Variants in FHIT observed in about 807,000 individuals in gnomAD.
FHIT encodes the protein fragile histidine triad diadenosine triphosphatase.
FHIT carries 19 observed loss-of-function variants against 17.9 expected under a neutral mutation model. The ratio of observed to expected loss-of-function variants is 1.06; its 90% CI spans 0.74 to 1.56. The LOEUF is 1.56. Among genes scored for constraint, FHIT ranks in the 40% most tolerant of loss-of-function variants. The pLI, the probability that FHIT is intolerant of heterozygous loss-of-function variation, is 0.00. For synonymous variants in FHIT, 81 were observed against 69.7 expected, an observed-to-expected ratio of 1.16 and a Z score of -0.81; for missense variants, 248 against 189.2, an observed-to-expected ratio of 1.31 and a Z score of -1.82.
chr3:60,100,607 C>G (rs1704152220), intron 5 of FHIT, among the ~76,000 whole-genome samples: 1 of 152,122 alleles, frequency 6.6e-6, no homozygotes, highest in African/African-American at 2.4e-5. Context: ...TTCCAGAAAC[C>G]CCTCTCTGGT....
intron 3 of FHIT, among the ~76,000 whole-genome samples, chr3:60,831,267 T>C (rs2106816922): frequency 6.6e-6 from 1 of 152,314 alleles, no homozygotes; most frequent in Admixed American, 6.5e-5. Flanking sequence ...AGGAGGTAAG[T>C]TATTCCATAA....
chr3:60,285,298 G>A (rs574844075), intron 5 of FHIT, among the ~76,000 whole-genome samples: 2 of 152,158 alleles, frequency 1.3e-5, no homozygotes, highest in East Asian at 1.9e-4. Context: ...GTTTTGAGAG[G>A]TGAATTAACT....
intron 2 of FHIT, among the ~76,000 whole-genome samples, chr3:61,066,809 G>A (rs13087596): frequency 0.44 from 66,841 of 151,736 alleles, 18,999 homozygotes; most frequent in Non-Finnish European, 0.64. Context: ...TTTGGATGGT[G>A]ATCTCAGAAA....
At chr3:60,423,944 C>G (rs1253412025) in intron 5 of FHIT, among the ~76,000 whole-genome samples, 1 of 152,124 alleles carries the variant, frequency 6.6e-6, no homozygotes, top group Admixed American at 6.6e-5. Flanking sequence ...TACTAAAACA[C>G]TGATAGTATA....
chr3:60,233,284 T>C (rs1704596850), intron 5 of FHIT, among the ~76,000 whole-genome samples: 1 of 152,182 alleles, frequency 6.6e-6, no homozygotes, highest in African/African-American at 2.4e-5. Flanking sequence ...CAATCCATGA[T>C]TTTATCCAGT....
At chr3:60,542,549 A>T (rs369305625) in intron 4 of FHIT, among the ~76,000 whole-genome samples, 1 of 152,132 alleles carries the variant, frequency 6.6e-6, no homozygotes, top group African/African-American at 2.4e-5. Context: ...ATGTGTGTGT[A>T]TATGCATGTT....
intron 5 of FHIT, among the ~76,000 whole-genome samples, chr3:60,306,649 C>T (rs1460219466): frequency 6.6e-6 from 1 of 152,024 alleles, no homozygotes; most frequent in Non-Finnish European, 1.5e-5. Context: ...CTTGACAATA[C>T]ACGTGCAAAA....
intron 5 of FHIT, among the ~76,000 whole-genome samples, chr3:60,311,835 T>C (rs573584208): frequency 1.3e-5 from 2 of 152,282 alleles, no homozygotes; most frequent in African/African-American, 2.4e-5. Flanking sequence ...TCACATTTCA[T>C]AGAGCATCTC....
intron 3 of FHIT, among the ~76,000 whole-genome samples, chr3:60,964,982 T>G (rs1709648831): frequency 6.6e-6 from 1 of 152,216 alleles, no homozygotes; most frequent in Non-Finnish European, 1.5e-5. Context: ...TGGCCTGCCT[T>G]GCTAGGTTTG....
At chr3:60,937,330 G>C (rs1708232683) in intron 3 of FHIT, among the ~76,000 whole-genome samples, 1 of 152,272 alleles carries the variant, frequency 6.6e-6, no homozygotes, top group East Asian at 1.9e-4. Context: ...TCTCTTTAAC[G>C]AAGTAGTATC....
intron 5 of FHIT, among the ~76,000 whole-genome samples, chr3:60,483,534 C>T (rs181649726): frequency 2.0e-5 from 3 of 152,150 alleles, no homozygotes; most frequent in Non-Finnish European, 4.4e-5. Context: ...ATACGCAACT[C>T]AATAAACGTA....
At chr3:60,501,495 G>T (rs890891324) in intron 5 of FHIT, among the ~76,000 whole-genome samples, 1 of 152,042 alleles carries the variant, frequency 6.6e-6, no homozygotes, top group African/African-American at 2.4e-5. Context: ...AAATCTTGAC[G>T]GTCTAAGCTA....
intron 4 of FHIT, among the ~76,000 whole-genome samples, chr3:60,681,205 C>T (rs564551144): frequency 1.3e-5 from 2 of 152,242 alleles, no homozygotes; most frequent in South Asian, 4.2e-4. Flanking sequence ...TGGTAATTCT[C>T]CCAATATTTC....
In FHIT at chr3:60,681,178, G is replaced by A. The variant is rs185094811; in HGVS notation, c.-18+140741C>T. Among the ~76,000 whole-genome samples, 18 of 152,196 alleles carry A rather than the reference G, an allele frequency of 1.2e-4. No individual in the cohort carries two copies. In the East Asian group the frequency reaches 3.5e-3, roughly 29 times the overall value. ...TTCCAACAGCACGTGTTCATTTCAC[G>A]TCTATGTATCACAATTTGGTAATTC... On this transcript the variant is annotated intron_variant, in intron 4 of 9. Transcript: ENST00000492590.
chr3:60,663,909 T>A (rs909956567), intron 4 of FHIT, among the ~76,000 whole-genome samples: 1 of 152,190 alleles, frequency 6.6e-6, no homozygotes, highest in Admixed American at 6.5e-5. Context: ...TGTAGATTTC[T>A]AGGGATTATA....
intron 2 of FHIT, among the ~76,000 whole-genome samples, chr3:61,102,907 T>A (rs551049737): frequency 3.2e-4 from 48 of 152,240 alleles, no homozygotes; most frequent in Non-Finnish European, 5.3e-4. Context: ...ATATCCCCTT[T>A]ATCATTTTTT....
At chr3:60,494,374 C>T (rs767777761) in intron 5 of FHIT, among the ~76,000 whole-genome samples, 4 of 152,078 alleles carry the variant, frequency 2.6e-5, no homozygotes, top group Non-Finnish European at 5.9e-5. Context: ...TTATGGGGTA[C>T]ATGACATGTT....
intron 8 of FHIT, among the ~76,000 whole-genome samples, chr3:59,810,357 A>T (rs976252051): frequency 3.9e-5 from 6 of 152,202 alleles, no homozygotes; most frequent in African/African-American, 1.4e-4. Context: ...CTTTGGCATG[A>T]AACAGATTTC....
At chr3:60,730,960 CAAAAAA>C (rs56078734) in intron 4 of FHIT, among the ~76,000 whole-genome samples, 4,104 of 135,770 alleles carry the variant, frequency 0.03, 84 homozygotes, top group African/African-American at 0.044. Context: ...AATAAAAATA[CAAAAAA>C]AAAAAAAAAA....
Sources: allele counts gnomAD v4.1 joint callset (sites outside exome capture counted in the v4.1 genomes callset), GRCh38; gene constraint gnomAD v4.1.1; transcripts MANE v1.5; gene names NCBI Gene and HGNC (gene_info 2026-07-23, HGNC 2026-07-21).